ZNF846: variants seen among roughly 807,000 people sequenced by gnomAD.
The protein encoded by ZNF846 is zinc finger protein 420 pseudogene.
Under a neutral mutation model 16.0 loss-of-function variants are expected in ZNF846, and 15 were observed. That is an observed-to-expected ratio of 0.94 (90% CI 0.63 to 1.45). ZNF846 has a LOEUF of 1.45. ZNF846 is among the 40% of genes most tolerant of loss of function. The probability of loss-of-function intolerance (pLI) is 0.00; values close to 1 mark genes in which losing one functional copy is unlikely to be tolerated. For synonymous variants in ZNF846, 229 were observed against 212.0 expected, an observed-to-expected ratio of 1.08 and a Z score of -0.70; for missense variants, 714 against 622.3, an observed-to-expected ratio of 1.15 and a Z score of -1.57.
At chr19:9,750,442 T>G (rs911262588), downstream of ZNF846, among the ~76,000 whole-genome samples, 3 of 152,194 alleles carry the variant, frequency 2.0e-5, no homozygotes, top group African/African-American at 7.2e-5. Context: ...TCTAGGATTT[T>G]GGGTGCAGGA....
chr19:9,760,769 C>T (rs927807499), intron 4 of ZNF846, among the ~76,000 whole-genome samples: 1 of 151,262 alleles, frequency 6.6e-6, no homozygotes, highest in Non-Finnish European at 1.5e-5. Flanking sequence ...GAAAAGGTTA[C>T]ATTGTATGAT....
chr19:9,766,571 T>C (rs1277304973), intron 1 of ZNF846, among the ~76,000 whole-genome samples: 4 of 152,016 alleles, frequency 2.6e-5, no homozygotes, highest in African/African-American at 9.7e-5. Flanking sequence ...CAAGTCCATA[T>C]TTAGTTGTCA....
At chr19:9,778,267 G>A (rs1361925475) in intron 1 of ZNF846, among the ~76,000 whole-genome samples, 2 of 152,104 alleles carry the variant, frequency 1.3e-5, no homozygotes, top group Non-Finnish European at 2.9e-5. Flanking sequence ...AGAAATTCTG[G>A]AGCTAAAAAA....
At chr19:9,750,478 C>A (rs2045075105), downstream of ZNF846, among the ~76,000 whole-genome samples, 1 of 152,154 alleles carries the variant, frequency 6.6e-6, no homozygotes, top group South Asian at 2.1e-4. Context: ...ACCCTCTCAC[C>A]TTTTCACTTT....
intron 2 of ZNF846, among the ~76,000 whole-genome samples, chr19:9,764,116 G>A (rs575172086): frequency 6.6e-6 from 1 of 152,186 alleles, no homozygotes; most frequent in African/African-American, 2.4e-5. Flanking sequence ...GGAATGGAAT[G>A]CGACCCTTGT....
At chr19:9,783,271 C>G (rs1187915581) in intron 1 of ZNF846, among the ~76,000 whole-genome samples, 2 of 121,256 alleles carry the variant, frequency 1.6e-5, no homozygotes, top group African/African-American at 6.4e-5. Context: ...CTTTCTGTCA[C>G]CTGGGCTGGA....
At chr19:9,774,848 G>C in intron 1 of ZNF846, 1 of 1,609,772 alleles carries the variant, frequency 6.2e-7, no homozygotes, top group Non-Finnish European at 8.5e-7. Context: ...CCCCCAGCCC[G>C]AGCACCCGCT....
downstream of ZNF846, among the ~76,000 whole-genome samples, chr19:9,749,042 G>C (rs997202484): frequency 6.6e-6 from 1 of 151,924 alleles, no homozygotes; most frequent in Non-Finnish European, 1.5e-5. Flanking sequence ...CCCAACTCCC[G>C]TCCACCTGCA....
downstream of ZNF846, among the ~76,000 whole-genome samples, chr19:9,751,576 C>A (rs552344549): frequency 3.0e-4 from 46 of 152,228 alleles, no homozygotes; most frequent in African/African-American, 1.1e-3. Flanking sequence ...CCTCCCTGCT[C>A]TTCTGAATGT....
At chr19:9,783,218 C>CTTTTTTTT (rs74183307) in intron 1 of ZNF846, among the ~76,000 whole-genome samples, 5 of 65,406 alleles carry the variant, frequency 7.6e-5, no homozygotes, top group East Asian at 3.3e-4. Context: ...CCCTATAATT[C>CTTTTTTTT]TTTTTTTTTT....
chr19:9,762,072 A>G lies in ZNF846; in HGVS notation c.229+10T>C, dbSNP rs1350322007. The G allele has an allele frequency of 6.2e-7, 1 of 1,612,310 alleles. No individual in the cohort carries two copies. The highest frequency in any genetic ancestry group is 2.2e-5 in the East Asian group (1 of 44,858). On this transcript the variant is annotated intron_variant, in intron 4 of 5. Coordinates refer to ENST00000397902, the Ensembl canonical transcript of ZNF846. ...CAGTGCCATAATACCACATCTGCTTATGAACTCACCCTGCAGAACTCCTGT... is the reference window on the plus strand; with the variant it reads ...CAGTGCCATAATACCACATCTGCTTGTGAACTCACCCTGCAGAACTCCTGT...
chr19:9,756,744 A>C (rs1027699553), downstream of ZNF846: 1 of 132,824 alleles, frequency 7.5e-6, no homozygotes, highest in African/African-American at 2.6e-5. Context: ...TGTAGATATT[A>C]AGTCCTGAGC....
At chr19:9,768,636 C>T (rs1235058443), upstream of ZNF846, 1 of 152,300 alleles carries the variant, frequency 6.6e-6, no homozygotes, top group African/African-American at 2.4e-5. Context: ...CCTCGCTCCG[C>T]CTCCCGCTAG....
chr19:9,757,440 A>G, downstream of ZNF846: 2 of 1,484,856 alleles, frequency 1.3e-6, no homozygotes, highest in Non-Finnish European at 1.8e-6. Flanking sequence ...TTTCCAGATG[A>G]GTTTAGATGT....
At chr19:9,759,997 T>A in intron 4 of ZNF846, 55 bp from the exon 5 acceptor site, 2 of 1,402,412 alleles carry the variant, frequency 1.4e-6, no homozygotes, top group Non-Finnish European at 2.0e-6. Context: ...TAAAGTCGTT[T>A]AAAAGCCTAT....
intron 1 of ZNF846, among the ~76,000 whole-genome samples, chr19:9,767,833 C>T (rs1356228389): frequency 6.6e-6 from 1 of 152,084 alleles, no homozygotes; most frequent in Non-Finnish European, 1.5e-5. Flanking sequence ...ACTCAGCATG[C>T]TGAGGCAGGA....
At chr19:9,767,183 T>A (rs1158732669) in intron 1 of ZNF846, among the ~76,000 whole-genome samples, 1 of 151,942 alleles carries the variant, frequency 6.6e-6, no homozygotes, top group African/African-American at 2.4e-5. Flanking sequence ...TTGCCCAGGC[T>A]GTAGTGCATT....
rs1280247916 is a variant in ZNF846 at position 9,768,031 on chromosome 19, G to A, written c.-86+258C>T. ...TTTCTGATACTGGTATAATGAAGGC[G>A]GCATCCTACTTCCTGGAAGCCCCTC... On this transcript the variant is annotated intron_variant, in intron 1 of 5. Coordinates refer to ENST00000397902, the Ensembl canonical transcript of ZNF846. Among the ~76,000 whole-genome samples the A allele has an allele frequency of 7.2e-5, 11 of 152,206 alleles. No homozygotes were observed. The East Asian group carries it at 1.3e-3, about 19-fold the overall frequency.
At position 9,765,071 on chromosome 19, in the gene ZNF846, A is replaced by T. The variant is rs1311615141; in HGVS notation, c.-85-36T>A. 5.3e-6 allele frequency: 6 copies of T among 1,127,712 alleles called. No homozygotes were observed. In the African/African-American group the frequency reaches 7.6e-5, roughly 14 times the overall value. 69.9% of individuals were successfully genotyped at this position (1,127,712 alleles called of 1,614,324 possible). A position where few individuals can be genotyped will look rare whatever the true frequency, so the allele number is the denominator to read the frequency against. The stretch of plus-strand genomic sequence containing the variant: ...GAATAATGGCATGTCAGTTGGATAC[A>T]TCAAAGAAAAAGTATTTCAGGCTAG... On this transcript the variant is annotated intron_variant, in intron 1 of 5. Transcript: ENST00000397902.
Sources: allele counts gnomAD v4.1 joint callset (sites outside exome capture counted in the v4.1 genomes callset), GRCh38; gene constraint gnomAD v4.1.1; transcripts MANE v1.5; gene names NCBI Gene and HGNC (gene_info 2026-07-23, HGNC 2026-07-21).